The following TDRD15 variants were observed in gnomAD, a reference collection of about 807,000 sequenced individuals.
The protein encoded by TDRD15 is tudor domain-containing protein 15.
For missense variants in TDRD15, 1,416 were observed against 904.7 expected, an observed-to-expected ratio of 1.57 and a Z score of -7.25; for synonymous variants, 503 against 314.5, an observed-to-expected ratio of 1.60 and a Z score of -6.34.
At chr2:21,134,108 A>G (rs913250462) in intron 2 of TDRD15, among the ~76,000 whole-genome samples, 1 of 151,912 alleles carries the variant, frequency 6.6e-6, no homozygotes, top group African/African-American at 2.4e-5. Flanking sequence ...ATAAACTCCA[A>G]TGAGTGCCAT....
chr2:21,142,431 G>A lies in TDRD15; in HGVS notation c.4964G>A (p.Cys1655Tyr). The A allele has an allele frequency of 1.4e-6, 1 of 709,908 alleles. No homozygotes were observed. The highest frequency in any genetic ancestry group is 2.6e-6 in the Non-Finnish European group (1 of 382,070). The allele number at this position is 709,908 out of a possible 1,614,324, so 44.0% of individuals were successfully genotyped here. A position where few individuals can be genotyped will look rare whatever the true frequency, so the allele number is the denominator to read the frequency against. The change falls in exon 4 of 4, where the codon TGC becomes TAC. Residue 1655 changes from cysteine to tyrosine, a missense_variant. Physicochemically the swap from Cys to Tyr is radical, Grantham distance 194. Coordinates refer to ENST00000405799, the MANE Select transcript of TDRD15 (RefSeq NM_001306137.2). ...AATTCTAAGAACATATCATTTGAGT[G>A]CTTATTTGCTGATTTGGAAATAAAT... is the stretch of plus-strand genomic sequence containing the variant. ...FENSKNISFECLFADLEINIL... is the reference protein window; with the variant it reads ...FENSKNISFEYLFADLEINIL...
chr2:21,132,647 T>C (rs963321384), intron 2 of TDRD15, among the ~76,000 whole-genome samples: 8 of 152,184 alleles, frequency 5.3e-5, no homozygotes, highest in African/African-American at 1.7e-4. Flanking sequence ...ATGTTGTTTA[T>C]AGCTTCATTT....
At chr2:21,124,787 G>T (rs1665550412) in intron 1 of TDRD15, among the ~76,000 whole-genome samples, 1 of 145,506 alleles carries the variant, frequency 6.9e-6, no homozygotes, top group Non-Finnish European at 1.5e-5. Flanking sequence ...CAGGGTATGT[G>T]TGTGTGTGAC....
At chr2:21,126,491 C>T (rs768853842) in intron 1 of TDRD15, among the ~76,000 whole-genome samples, 2 of 151,906 alleles carry the variant, frequency 1.3e-5, no homozygotes, top group African/African-American at 4.8e-5. Context: ...CTCAGGCTCC[C>T]GAGTAGCTGG....
rs747377601 is a variant in TDRD15 at position 21,141,763 on chromosome 2, G to A, written c.4296G>A (p.Ser1432=). 58 of 714,788 alleles carry A rather than the reference G, an allele frequency of 8.1e-5. 1 individual carries two copies. The highest frequency in any genetic ancestry group is 7.7e-4 in the African/African-American group (44 of 57,058). The allele number at this position is 714,788 out of a possible 1,614,324, so 44.3% of individuals were successfully genotyped here. A position where few individuals can be genotyped will look rare whatever the true frequency, so the allele number is the denominator to read the frequency against. ...ACAAAACTGTGGATTATTTTACTTCGAAAGTACATAACAAAACAGTTTATT... is the reference window on the plus strand; with the variant it reads ...ACAAAACTGTGGATTATTTTACTTCAAAAGTACATAACAAAACAGTTTATT... ...WDDKTVDYFT[S]KVHNKTVYCE... is the part of the protein sequence containing the mutation. The change falls in exon 4 of 4, where the codon TCG becomes TCA. Residue 1432 remains serine (S), a synonymous_variant. Coordinates refer to ENST00000405799, the MANE Select transcript of TDRD15 (RefSeq NM_001306137.2).
At chr2:21,126,004 GTGTGTGTA>G (rs1219013261) in intron 1 of TDRD15, among the ~76,000 whole-genome samples, 1 of 151,850 alleles carries the variant, frequency 6.6e-6, no homozygotes, top group Admixed American at 6.6e-5. Flanking sequence ...TTGTGCATGT[GTGTGTGTA>G]TGTGTGTGTG....
rs1367661478 is a variant in TDRD15, at chr2:21,143,024, A to G, written c.5557A>G (p.Ile1853Val). Residue 1853 changes from isoleucine to valine, a missense_variant, in exon 4 of 4, where the codon ATC becomes GTC. Transcript: ENST00000405799. ...RLSYPCILYG[I>V]LPAKGKHWSE... ...GAGTTATCCATGTATTTTATATGGT[A>G]TCTTACCTGCTAAAGGAAAACATTG... 1 of 695,574 alleles carries G rather than the reference A, an allele frequency of 1.4e-6. No individual in the cohort carries two copies. The highest frequency in any genetic ancestry group is 2.6e-6 in the Non-Finnish European group (1 of 377,940). 43.1% of individuals were successfully genotyped at this position (695,574 alleles called of 1,614,324 possible).
chr2:21,138,919 C>T lies in TDRD15; in HGVS notation c.1452C>T (p.Tyr484=). Reference sequence around the variant, plus strand: ...TACAAATGGAGATAGAGGCTGCCTACATAGCTTTTATAGCATATGTATTAA... The same window carrying T: ...TACAAATGGAGATAGAGGCTGCCTATATAGCTTTTATAGCATATGTATTAA... The part of the protein sequence containing the change: ...KTVQMEIEAA[Y]IAFIAYVLNP... The change falls in exon 4 of 4, where the codon TAC becomes TAT. Residue 484 remains tyrosine (Y), a synonymous_variant. Transcript: ENST00000405799. 2 of 715,368 alleles carry T rather than the reference C, an allele frequency of 2.8e-6. No homozygotes were observed. Among genetic ancestry groups the T allele is most frequent in the Non-Finnish European group, 5.2e-6 (2 of 383,974 alleles). 44.3% of individuals were successfully genotyped at this position (715,368 alleles called of 1,614,324 possible).
downstream of TDRD15, among the ~76,000 whole-genome samples, chr2:21,146,642 A>G (rs73920474): frequency 0.016 from 2,444 of 152,202 alleles, 67 homozygotes; most frequent in African/African-American, 0.056. Context: ...GCAGTGCTTA[A>G]TGGTAATATG....
At chr2:21,136,144 G>A (rs1665803021) in intron 3 of TDRD15, among the ~76,000 whole-genome samples, 1 of 151,996 alleles carries the variant, frequency 6.6e-6, no homozygotes, top group South Asian at 2.1e-4. Context: ...TTCTTTGAGA[G>A]TACCTGGTTG....
chr2:21,138,206 G>T lies in TDRD15; in HGVS notation c.739G>T (p.Val247Leu). Residue 247 changes from valine to leucine, a missense_variant, in exon 4 of 4, where the codon GTA (valine) becomes TTA (leucine). By Grantham distance (32) the Val-to-Leu change is conservative. Coordinates refer to ENST00000405799, the MANE Select transcript of TDRD15 (RefSeq NM_001306137.2). ...AGTAGGAAGTACTGAAAGTGTAAAG[G>T]TATCATCTGCATTGAGCCCAAGTAA... ...LSVGSTESVK[V>L]SSALSPSKFY... 1.4e-6 allele frequency: 1 copy of T among 716,600 alleles called. No homozygotes were observed. The highest frequency in any genetic ancestry group is 2.6e-6 in the Non-Finnish European group (1 of 384,474). 44.4% of individuals were successfully genotyped at this position (716,600 alleles called of 1,614,324 possible).
intron 1 of TDRD15, among the ~76,000 whole-genome samples, 190 bp from the exon 2 acceptor site, chr2:21,127,411 T>A (rs1014352918): frequency 6.6e-6 from 1 of 152,174 alleles, no homozygotes; most frequent in African/African-American, 2.4e-5. Context: ...TGATTTTCTG[T>A]TTTTTTCTGA....
chr2:21,132,380 A>G (rs915755763), intron 2 of TDRD15, among the ~76,000 whole-genome samples: 2 of 152,092 alleles, frequency 1.3e-5, no homozygotes, highest in African/African-American at 4.8e-5. Flanking sequence ...TTACAATGCT[A>G]AGAATATTCA....
In TDRD15 at chr2:21,141,812, C is replaced by A; in HGVS notation, c.4345C>A (p.Gln1449Lys). 1.4e-6 allele frequency: 1 copy of A among 713,704 alleles called. No homozygotes were observed. Among genetic ancestry groups the A allele is most frequent in the South Asian group, 1.5e-5 (1 of 66,888 alleles). The allele number at this position is 713,704 out of a possible 1,614,324, so 44.2% of individuals were successfully genotyped here. The change falls in exon 4 of 4, where the codon CAG becomes AAG. Residue 1449 changes from glutamine (Q) to lysine (K), a missense_variant. Transcript: ENST00000405799. Reference protein sequence around the residue: ...VYCEFLKKHDQKWEVNMICDE... With the variant: ...VYCEFLKKHDKKWEVNMICDE... The stretch of plus-strand genomic sequence containing the variant: ...TTGTGAATTTTTGAAAAAGCATGAT[C>A]AGAAATGGGAAGTAAATATGATTTG...
chr2:21,140,801 T>C lies in TDRD15; in HGVS notation c.3334T>C (p.Leu1112=), dbSNP rs1665907702. The stretch of plus-strand genomic sequence containing the variant: ...GGGAAGATCATTAAAGGCGATAATA[T>C]TGTCCCAGGAGTCAGATGGACAGCT... ...FLGRSLKAII[L]SQESDGQLGI... is the part of the protein sequence containing the mutation. Residue 1112 remains leucine, a synonymous_variant, in exon 4 of 4, where the codon TTG becomes CTG. Coordinates refer to ENST00000405799, the MANE Select transcript of TDRD15 (RefSeq NM_001306137.2). 5 of 715,334 alleles carry C rather than the reference T, an allele frequency of 7.0e-6. No individual in the cohort carries two copies. Among genetic ancestry groups the C allele is most frequent in the Non-Finnish European group, 1.3e-5 (5 of 383,672 alleles). 44.3% of individuals were successfully genotyped at this position (715,334 alleles called of 1,614,324 possible). A position where few individuals can be genotyped will look rare whatever the true frequency, so the allele number is the denominator to read the frequency against.
intron 1 of TDRD15, among the ~76,000 whole-genome samples, chr2:21,126,475 T>C (rs747411135): frequency 2.0e-5 from 3 of 151,984 alleles, no homozygotes; most frequent in Non-Finnish European, 2.9e-5. Flanking sequence ...CAAGCGATTC[T>C]CCTTCCTCAG....
chr2:21,139,015 C>T lies in TDRD15; in HGVS notation c.1548C>T (p.Asn516=). ...TTCAAGAAATAATGAAAAACATAAA[C>T]AAATTTTATGATTTGTGTGAAAACG... ...NEFQEIMKNI[N]KFYDLCENDE... is the part of the protein sequence containing the mutation. The change falls in exon 4 of 4, where the codon AAC becomes AAT. Residue 516 remains asparagine (N), a synonymous_variant. Coordinates refer to ENST00000405799, the MANE Select transcript of TDRD15 (RefSeq NM_001306137.2). The T allele has an allele frequency of 1.4e-6, 1 of 710,666 alleles. No homozygotes were observed. Among genetic ancestry groups the T allele is most frequent in the Middle Eastern group, 2.3e-4 (1 of 4,320 alleles). 44.0% of individuals were successfully genotyped at this position (710,666 alleles called of 1,614,324 possible).
chr2:21,132,536 G>A (rs1665739447), intron 2 of TDRD15, among the ~76,000 whole-genome samples: 1 of 152,046 alleles, frequency 6.6e-6, no homozygotes, highest in Non-Finnish European at 1.5e-5. Flanking sequence ...GAACCCAGTA[G>A]AATTTCCTGG....
chr2:21,130,019 C>T (rs1213544982), intron 2 of TDRD15, among the ~76,000 whole-genome samples: 2 of 152,050 alleles, frequency 1.3e-5, no homozygotes, highest in African/African-American at 2.4e-5. Flanking sequence ...AACCACCAAT[C>T]CTACTCCCTG....
Sources: allele counts gnomAD v4.1 joint callset (sites outside exome capture counted in the v4.1 genomes callset), GRCh38; gene constraint gnomAD v4.1.1; transcripts MANE v1.5; gene names NCBI Gene and HGNC (gene_info 2026-07-23, HGNC 2026-07-21).